KCNN2: variants seen among roughly 807,000 people sequenced by gnomAD.
KCNN2 encodes potassium calcium-activated channel subfamily N member 2.
Under a neutral mutation model 55.5 loss-of-function variants are expected in KCNN2, and 24 were observed. That is an observed-to-expected ratio of 0.43 (90% confidence interval 0.31 to 0.61). The LOEUF (loss-of-function observed/expected upper bound fraction) is 0.61. Among genes scored for constraint, KCNN2 ranks in the 20% least tolerant of loss-of-function variants. The pLI, the probability that KCNN2 is intolerant of heterozygous loss-of-function variation, is 0.08. For synonymous variants in KCNN2, 431 were observed against 336.1 expected, an observed-to-expected ratio of 1.28 and a Z score of -3.09; for missense variants, 754 against 853.6, an observed-to-expected ratio of 0.88 and a Z score of 1.45.
At chr5:114,162,863 A>C (rs1752819355) in intron 1 of KCNN2, among the ~76,000 whole-genome samples, 1 of 152,230 alleles carries the variant, frequency 6.6e-6, no homozygotes, top group East Asian at 1.9e-4. Flanking sequence ...GCGCAGTATT[A>C]GGGTGGGAGC....
chr5:114,342,915 G>A (rs865800121), intron 2 of KCNN2, among the ~76,000 whole-genome samples: 2 of 152,242 alleles, frequency 1.3e-5, no homozygotes, highest in South Asian at 2.1e-4. Flanking sequence ...ATAGGTAAAC[G>A]CATGCCATGG....
chr5:114,066,350 G>A (rs1380211397), intron 1 of KCNN2, among the ~76,000 whole-genome samples: 1 of 152,100 alleles, frequency 6.6e-6, no homozygotes, highest in Non-Finnish European at 1.5e-5. Context: ...TCTTGGCATA[G>A]TTTTACTTTA....
At chr5:114,333,577 T>G (rs1448097910) in intron 2 of KCNN2, among the ~76,000 whole-genome samples, 1 of 151,914 alleles carries the variant, frequency 6.6e-6, no homozygotes, top group South Asian at 2.1e-4. Context: ...TCTACATTTC[T>G]GTAGATGGCA....
chr5:114,329,932 GT>G (rs984432955), intron 2 of KCNN2, among the ~76,000 whole-genome samples: 2 of 152,096 alleles, frequency 1.3e-5, no homozygotes, highest in African/African-American at 2.4e-5. Flanking sequence ...ACTGGGCACA[GT>G]CTTTCTCTGC....
chr5:114,236,619 C>A (rs900078691), intron 2 of KCNN2, among the ~76,000 whole-genome samples: 1 of 151,980 alleles, frequency 6.6e-6, no homozygotes, highest in East Asian at 1.9e-4. Context: ...ATATGTATGC[C>A]CTTCATCTGA....
intron 2 of KCNN2, among the ~76,000 whole-genome samples, chr5:114,249,144 C>G (rs1561540186): frequency 6.6e-6 from 1 of 152,174 alleles, no homozygotes; most frequent in South Asian, 2.1e-4. Context: ...AAGACATTCT[C>G]TAAGTTCTGC....
chr5:114,175,770 C>A (rs2112547701), intron 1 of KCNN2, among the ~76,000 whole-genome samples: 1 of 152,200 alleles, frequency 6.6e-6, no homozygotes, highest in East Asian at 1.9e-4. Context: ...CTTAATGTAG[C>A]CCATAAACTA....
intron 3 of KCNN2, 65 bp downstream of exon 3, chr5:114,404,921 A>T (rs1249440315): frequency 6.9e-7 from 1 of 1,449,114 alleles, no homozygotes; most frequent in African/African-American, 1.4e-5. Flanking sequence ...TAAGAAAAAA[A>T]AAATTTTAGA....
chr5:114,443,219 A>AG (rs1760282665), intron 3 of KCNN2, among the ~76,000 whole-genome samples: 1 of 151,336 alleles, frequency 6.6e-6, no homozygotes, highest in African/African-American at 2.4e-5. Context: ...TGAACGCAGG[A>AG]GGGGGAGGTT....
intron 2 of KCNN2, among the ~76,000 whole-genome samples, chr5:114,225,760 G>A (rs1754227388): frequency 1.3e-5 from 2 of 152,164 alleles, no homozygotes; most frequent in South Asian, 4.1e-4. Flanking sequence ...TTCAGATTCT[G>A]AGGGAATTGA....
chr5:114,367,630 G>A (rs1367417744), intron 2 of KCNN2, among the ~76,000 whole-genome samples: 1 of 151,816 alleles, frequency 6.6e-6, no homozygotes, highest in African/African-American at 2.4e-5. Context: ...AGGTAAAACA[G>A]AAGCATGCTT....
rs1761821366 is a variant in KCNN2 at position 114,473,030 on chromosome 5, T to TTTCTC, written c.1780-17_1780-13dup. 4 of 1,471,996 alleles carry TTTCTC rather than the reference T, an allele frequency of 2.7e-6. No individual in the cohort carries two copies. In the Admixed American group the frequency reaches 7.3e-5, roughly 27 times the overall value. The allele number at this position is 1,471,996 out of a possible 1,614,324, so 91.2% of individuals were successfully genotyped here. A position where few individuals can be genotyped will look rare whatever the true frequency, so the allele number is the denominator to read the frequency against. ...AGAAAGTAGTTAGTAATGCTTTGGG[T>TTTCTC]TTCTCTTCTCTCCTTGTTTTCAGGG... is the stretch of plus-strand genomic sequence containing the variant. On this transcript the variant is annotated intron_variant, in intron 4 of 7. Coordinates refer to ENST00000673685, the MANE Select transcript of KCNN2 (RefSeq NM_021614.4).
At chr5:114,170,179 C>A (rs997637122) in intron 1 of KCNN2, among the ~76,000 whole-genome samples, 1 of 152,092 alleles carries the variant, frequency 6.6e-6, no homozygotes, top group Non-Finnish European at 1.5e-5. Context: ...TTGAGCTCAA[C>A]TGTCCTACTC....
chr5:114,347,530 A>C (rs911970290), intron 2 of KCNN2, among the ~76,000 whole-genome samples: 16 of 152,196 alleles, frequency 1.1e-4, no homozygotes, highest in African/African-American at 3.9e-4. Flanking sequence ...TCATCACAGA[A>C]CTACGTTTAA....
upstream of KCNN2, among the ~76,000 whole-genome samples, chr5:114,359,822 AT>A (rs966215344): frequency 6.6e-6 from 1 of 152,314 alleles, no homozygotes; most frequent in African/African-American, 2.4e-5. Flanking sequence ...TGTTTGATGG[AT>A]TTTCCGCATG....
At chr5:114,402,945 G>C (rs1221595835) in intron 2 of KCNN2, among the ~76,000 whole-genome samples, 3 of 152,154 alleles carry the variant, frequency 2.0e-5, no homozygotes, top group Admixed American at 6.5e-5. Flanking sequence ...GAGCAGAGGA[G>C]TAGTGAAAAG....
At chr5:114,406,642 CT>C (rs892732593) in intron 3 of KCNN2, among the ~76,000 whole-genome samples, 3 of 151,388 alleles carry the variant, frequency 2.0e-5, no homozygotes, top group African/African-American at 7.3e-5. Flanking sequence ...ATATAAATAC[CT>C]TTTACTCTTT....
At chr5:114,065,697 C>T (rs762884448) in intron 1 of KCNN2, among the ~76,000 whole-genome samples, 9 of 152,154 alleles carry the variant, frequency 5.9e-5, no homozygotes, top group Non-Finnish European at 1.2e-4. Context: ...CTTTCATCTG[C>T]AGCTCCAAGG....
At chr5:114,146,625 A>C (rs1188339431) in intron 1 of KCNN2, among the ~76,000 whole-genome samples, 2 of 152,160 alleles carry the variant, frequency 1.3e-5, no homozygotes, top group Non-Finnish European at 2.9e-5. Flanking sequence ...CAATTTGCCA[A>C]AGAGCATTAG....
Sources: allele counts gnomAD v4.1 joint callset (sites outside exome capture counted in the v4.1 genomes callset), GRCh38; gene constraint gnomAD v4.1.1; transcripts MANE v1.5; gene names NCBI Gene and HGNC (gene_info 2026-07-23, HGNC 2026-07-21).